The following ATP8B4 variants were observed in gnomAD, a reference collection of about 807,000 sequenced individuals.
ATP8B4 encodes ATPase phospholipid transporting 8B4 (putative).
Under a neutral mutation model 145.6 loss-of-function variants are expected in ATP8B4, and 133 were observed. The observed-to-expected ratio is 0.91, with a 90% CI of 0.79 to 1.05. The LOEUF (loss-of-function observed/expected upper bound fraction) is 1.05, where lower values mean the gene tolerates loss of function less well. Among genes scored for constraint, ATP8B4 ranks in the 50% least tolerant of loss-of-function variants. The pLI is 0.00. For missense variants in ATP8B4, 1,458 were observed against 1,425.2 expected (o/e 1.02, Z -0.37); for synonymous variants, 507 against 492.9 (o/e 1.03, Z -0.38).
chr15:49,986,707 G>A (rs1386497133), intron 10 of ATP8B4, among the ~76,000 whole-genome samples: 4 of 152,210 alleles, frequency 2.6e-5, no homozygotes, highest in Admixed American at 2.6e-4. Context: ...TTAAAATCAA[G>A]GGCTGGCAAT....
intron 23 of ATP8B4, among the ~76,000 whole-genome samples, chr15:49,891,884 G>A (rs2036847938): frequency 1.3e-5 from 2 of 152,088 alleles, no homozygotes; most frequent in Non-Finnish European, 2.9e-5. Flanking sequence ...GAGGGGTCGA[G>A]GCAGGGGGAT....
intron 1 of ATP8B4, among the ~76,000 whole-genome samples, chr15:50,137,152 A>C (rs1315093744): frequency 6.6e-6 from 1 of 152,200 alleles, no homozygotes; most frequent in African/African-American, 2.4e-5. Flanking sequence ...CACTGATTTA[A>C]CGTCAATCTT....
chr15:49,957,673 G>A (rs982144640), intron 14 of ATP8B4, among the ~76,000 whole-genome samples: 1 of 151,870 alleles, frequency 6.6e-6, no homozygotes, highest in African/African-American at 2.4e-5. Context: ...AAGAAGAATT[G>A]AATGAGTCAA....
At chr15:49,891,019 G>A (rs771232402) in intron 23 of ATP8B4, among the ~76,000 whole-genome samples, 20 of 152,132 alleles carry the variant, frequency 1.3e-4, no homozygotes, top group Non-Finnish European at 2.4e-4. Flanking sequence ...ATGAGTTGGT[G>A]TTAAACAGAA....
chr15:50,063,035 G>C (rs2053138622), intron 3 of ATP8B4, among the ~76,000 whole-genome samples: 1 of 151,132 alleles, frequency 6.6e-6, no homozygotes, highest in South Asian at 2.1e-4. Flanking sequence ...CTATCCTTCT[G>C]CTTCCATACA....
At chr15:49,957,677 G>A (rs2043697929) in intron 14 of ATP8B4, among the ~76,000 whole-genome samples, 1 of 151,868 alleles carries the variant, frequency 6.6e-6, no homozygotes, top group African/African-American at 2.4e-5. Context: ...AGAATTGAAT[G>A]AGTCAAAAAA....
chr15:49,938,648 C>A (rs1367704491), intron 14 of ATP8B4, among the ~76,000 whole-genome samples: 1 of 152,080 alleles, frequency 6.6e-6, no homozygotes, highest in African/African-American at 2.4e-5. Flanking sequence ...GAGAGCCACA[C>A]AATAATAGAG....
chr15:49,915,644 T>A (rs2039660759), intron 20 of ATP8B4, among the ~76,000 whole-genome samples: 1 of 152,136 alleles, frequency 6.6e-6, no homozygotes, highest in African/African-American at 2.4e-5. Flanking sequence ...AATCTACTTT[T>A]AAAATTTTAA....
intron 5 of ATP8B4, among the ~76,000 whole-genome samples, chr15:50,041,545 T>C (rs2051284133): frequency 6.6e-6 from 1 of 152,194 alleles, no homozygotes; most frequent in Non-Finnish European, 1.5e-5. Context: ...CCAAAGTACC[T>C]TGAACAACGG....
intron 13 of ATP8B4, among the ~76,000 whole-genome samples, chr15:49,966,048 GC>G (rs1039658015): frequency 6.6e-6 from 1 of 152,180 alleles, no homozygotes; most frequent in Admixed American, 6.5e-5. Flanking sequence ...GCAAAGGGAA[GC>G]CTTGAGGGAC....
At chr15:49,980,714 T>G (rs2046079453) in intron 11 of ATP8B4, among the ~76,000 whole-genome samples, 1 of 152,078 alleles carries the variant, frequency 6.6e-6, no homozygotes, top group South Asian at 2.1e-4. Flanking sequence ...CAGTGCAAAA[T>G]GAAAACGTGG....
chr15:50,084,760 C>G (rs1423431313), intron 2 of ATP8B4, among the ~76,000 whole-genome samples: 1 of 152,132 alleles, frequency 6.6e-6, no homozygotes, highest in South Asian at 2.1e-4. Context: ...CTAAAAGCTG[C>G]CCACGTCCCT....
chr15:50,127,414 T>A (rs895435667), intron 1 of ATP8B4, among the ~76,000 whole-genome samples: 2 of 152,226 alleles, frequency 1.3e-5, no homozygotes, highest in African/African-American at 4.8e-5. Flanking sequence ...TGGGCTTCCA[T>A]TCTAAATGGC....
At chr15:50,081,056 T>G (rs1208716965) in intron 2 of ATP8B4, among the ~76,000 whole-genome samples, 2 of 148,006 alleles carry the variant, frequency 1.4e-5, no homozygotes, top group Non-Finnish European at 3.0e-5. Context: ...GAGCTTGCAG[T>G]GAGCCGAGAT....
At chr15:49,904,753 T>C (rs2038418249) in intron 20 of ATP8B4, among the ~76,000 whole-genome samples, 3 of 152,186 alleles carry the variant, frequency 2.0e-5, no homozygotes, top group Admixed American at 6.5e-5. Context: ...CCCTGCACAT[T>C]CAAATAAATA....
chr15:50,179,204 C>A (rs570298632), intron 1 of ATP8B4, among the ~76,000 whole-genome samples: 1 of 152,188 alleles, frequency 6.6e-6, no homozygotes, highest in African/African-American at 2.4e-5. Flanking sequence ...ATAGCAGAAA[C>A]TCAATAAATA....
At chr15:50,124,459 G>A (rs1206568131) in intron 1 of ATP8B4, among the ~76,000 whole-genome samples, 1 of 152,138 alleles carries the variant, frequency 6.6e-6, no homozygotes. Context: ...ATAAGAGAAT[G>A]CAAACAAGAA....
chr15:50,139,193 C>T (rs930689756), intron 1 of ATP8B4, among the ~76,000 whole-genome samples: 4 of 152,132 alleles, frequency 2.6e-5, no homozygotes. Context: ...AACCCAAATG[C>T]CCATCAATGA....
Position 50,047,482 on chromosome 15 carries a change from T to A in ATP8B4, c.88-18A>T. Reference sequence around the variant, plus strand: ...CGATTATCCTGGAAAAGAAATAGCATCATGTTAGTTTGGGGCAAGGCATTG... The same window carrying A: ...CGATTATCCTGGAAAAGAAATAGCAACATGTTAGTTTGGGGCAAGGCATTG... On this transcript the variant is annotated intron_variant, in intron 3 of 27. Transcript: ENST00000284509. 6.9e-7 allele frequency: 1 copy of A among 1,443,790 alleles called. No homozygotes were observed. The highest frequency in any genetic ancestry group is 2.3e-5 in the East Asian group (1 of 43,996). The allele number at this position is 1,443,790 out of a possible 1,614,324, so 89.4% of individuals were successfully genotyped here.
Sources: allele counts gnomAD v4.1 joint callset (sites outside exome capture counted in the v4.1 genomes callset), GRCh38; gene constraint gnomAD v4.1.1; transcripts MANE v1.5; gene names NCBI Gene and HGNC (gene_info 2026-07-23, HGNC 2026-07-21).